IL34: variants seen among roughly 807,000 people sequenced by gnomAD.
IL34 encodes the protein interleukin 34.
A neutral mutation model predicts 25.3 loss-of-function variants in IL34; 17 were observed. The ratio of observed to expected loss-of-function variants is 0.67; its 90% CI spans 0.46 to 1.01. IL34 has a LOEUF of 1.01. Among genes scored for constraint, IL34 ranks in the 50% least tolerant of loss-of-function variants. IL34 has a pLI of 0.00. For synonymous variants in IL34, 174 were observed against 140.9 expected, an observed-to-expected ratio of 1.23 and a Z score of -1.66; for missense variants, 368 against 312.9, an observed-to-expected ratio of 1.18 and a Z score of -1.33.
At chr16:70,618,019 T>C (rs532219164) in intron 1 of IL34, among the ~76,000 whole-genome samples, 1 of 152,302 alleles carries the variant, frequency 6.6e-6, no homozygotes, top group South Asian at 2.1e-4. Flanking sequence ...GGGCAAATCC[T>C]CCAGCTTGAT....
rs138383507 is a variant in IL34, at chr16:70,631,760, C to T, written c.-400-14788C>T. Among the ~76,000 whole-genome samples, 39 of 152,162 alleles carry T rather than the reference C, an allele frequency of 2.6e-4. No homozygotes were observed. In the East Asian group the frequency reaches 7.5e-3, roughly 29 times the overall value. Reference sequence around the variant, plus strand: ...GCAGGTATACACTGGGCGGGATAGCCCAGTGGTTAAGACGGTCCCTGCTGT... The same window carrying T: ...GCAGGTATACACTGGGCGGGATAGCTCAGTGGTTAAGACGGTCCCTGCTGT... On this transcript the variant is annotated intron_variant, in intron 1 of 6. Transcript: ENST00000429149.
intron 1 of IL34, among the ~76,000 whole-genome samples, chr16:70,617,036 A>G (rs933408807): frequency 6.6e-6 from 1 of 152,070 alleles, no homozygotes; most frequent in Non-Finnish European, 1.5e-5. Flanking sequence ...TGCTTCAAGC[A>G]GGATTAGGGG....
intron 1 of IL34, among the ~76,000 whole-genome samples, chr16:70,598,928 G>T (rs2050864391): frequency 6.6e-6 from 1 of 152,238 alleles, no homozygotes; most frequent in Non-Finnish European, 1.5e-5. Flanking sequence ...CATCAGGCCT[G>T]CTCAGAAGTT....
intron 4 of IL34, 121 bp from the exon 5 acceptor site, chr16:70,659,496 TC>T: frequency 1.6e-6 from 2 of 1,267,422 alleles, no homozygotes; most frequent in Non-Finnish European, 2.1e-6. Flanking sequence ...AGGCTCATGG[TC>T]ACAGGAAGTC....
At chr16:70,603,004 G>A (rs537246588) in intron 1 of IL34, among the ~76,000 whole-genome samples, 17 of 152,164 alleles carry the variant, frequency 1.1e-4, no homozygotes, top group African/African-American at 3.9e-4. Context: ...GCCAACCCCA[G>A]CCCTGAGTGG....
intron 1 of IL34, among the ~76,000 whole-genome samples, chr16:70,636,107 C>T (rs571599595): frequency 6.6e-6 from 1 of 151,594 alleles, no homozygotes; most frequent in East Asian, 1.9e-4. Context: ...GGCATGATCT[C>T]AACTCAATGT....
At chr16:70,600,080 C>G (rs1400490020) in intron 1 of IL34, among the ~76,000 whole-genome samples, 1 of 152,118 alleles carries the variant, frequency 6.6e-6, no homozygotes, top group Non-Finnish European at 1.5e-5. Flanking sequence ...CAGACAAACC[C>G]AACTTTCTCC....
intron 1 of IL34, among the ~76,000 whole-genome samples, chr16:70,651,470 A>G (rs555614288): frequency 1.3e-5 from 2 of 152,194 alleles, no homozygotes; most frequent in Non-Finnish European, 2.9e-5. Flanking sequence ...ACTTAGCAAA[A>G]AATGTGGGGC....
At chr16:70,583,260 G>A (rs925524548) in intron 1 of IL34, among the ~76,000 whole-genome samples, 32 of 151,900 alleles carry the variant, frequency 2.1e-4, no homozygotes, top group Middle Eastern at 3.2e-3. Flanking sequence ...TTACAGGCAC[G>A]CGCCACCATG....
chr16:70,646,001 C>T (rs1003569518), upstream of IL34, among the ~76,000 whole-genome samples: 1 of 152,122 alleles, frequency 6.6e-6, no homozygotes, highest in African/African-American at 2.4e-5. Flanking sequence ...TGCAGTGAGC[C>T]AAAATCACGC....
intron 2 of IL34, among the ~76,000 whole-genome samples, chr16:70,655,261 C>A (rs1285746609): frequency 1.8e-4 from 28 of 151,676 alleles, no homozygotes; most frequent in Admixed American, 1.8e-3. Flanking sequence ...CCATGTTAGT[C>A]AGGATGGTCT....
At chr16:70,657,374 C>A in intron 4 of IL34, 1 of 456,950 alleles carries the variant, frequency 2.2e-6, no homozygotes, top group Non-Finnish European at 3.9e-6. Flanking sequence ...CTAGGCTCTG[C>A]CTCTCTCCCT....
At chr16:70,655,197 T>G (rs1188826481) in intron 2 of IL34, among the ~76,000 whole-genome samples, 2 of 139,122 alleles carry the variant, frequency 1.4e-5, no homozygotes, top group African/African-American at 5.4e-5. Context: ...GGACTACAGG[T>G]GCGCGCCACC....
At chr16:70,619,472 G>A (rs956182999) in intron 1 of IL34, among the ~76,000 whole-genome samples, 28 of 152,228 alleles carry the variant, frequency 1.8e-4, no homozygotes, top group African/African-American at 6.5e-4. Context: ...AACTAAAAAG[G>A]AGTGCTTAAA....
intron 1 of IL34, among the ~76,000 whole-genome samples, chr16:70,640,478 G>T (rs545677007): frequency 6.6e-6 from 1 of 152,030 alleles, no homozygotes; most frequent in Admixed American, 6.6e-5. Flanking sequence ...ACAAAAGTTA[G>T]CCGGGTGTGG....
chr16:70,654,972 A>G (rs779213390), intron 2 of IL34, among the ~76,000 whole-genome samples: 1 of 152,118 alleles, frequency 6.6e-6, no homozygotes, highest in African/African-American at 2.4e-5. Context: ...AACCCCAGGC[A>G]CTTATTAGCC....
Position 70,599,021 on chromosome 16 carries a change from A to T in IL34, c.-401+18972A>T, listed in dbSNP as rs532471022. 3.9e-4 allele frequency among the ~76,000 whole-genome samples: 59 copies of T among 152,260 alleles called. 1 individual carries two copies. The highest frequency in any genetic ancestry group is 1.3e-3 in the African/African-American group (55 of 41,562). The stretch of plus-strand genomic sequence containing the variant: ...GAGGCATTATCACTAACCTTGTAAG[A>T]TGTTATCTCATGTTCAGCAAAAGGC... On this transcript the variant is annotated intron_variant, in intron 1 of 6. Transcript: ENST00000429149.
At chr16:70,617,745 G>A (rs556496866) in intron 1 of IL34, among the ~76,000 whole-genome samples, 5 of 151,402 alleles carry the variant, frequency 3.3e-5, no homozygotes, top group Admixed American at 6.6e-5. Context: ...GGGATATAAA[G>A]GTTTCACTGA....
intron 4 of IL34, among the ~76,000 whole-genome samples, chr16:70,658,536 C>T (rs2052293777): frequency 6.6e-6 from 1 of 151,766 alleles, no homozygotes; most frequent in Non-Finnish European, 1.5e-5. Flanking sequence ...AGGTGCATTG[C>T]AGTGGGGCAA....
Sources: allele counts gnomAD v4.1 joint callset (sites outside exome capture counted in the v4.1 genomes callset), GRCh38; gene constraint gnomAD v4.1.1; transcripts MANE v1.5; gene names NCBI Gene and HGNC (gene_info 2026-07-23, HGNC 2026-07-21).